DGKH: variants seen among roughly 807,000 people sequenced by gnomAD.
The protein encoded by DGKH is DAG kinase eta.
Under a neutral mutation model 159.3 loss-of-function variants are expected in DGKH, and 90 were observed. The ratio of observed to expected loss-of-function variants is 0.57; its 90% CI spans 0.48 to 0.67. The LOEUF (loss-of-function observed/expected upper bound fraction) is 0.67, where lower values mean the gene tolerates loss of function less well. Ranked by LOEUF, DGKH falls within the 30% of genes least tolerant of loss-of-function variation. The pLI, the probability that DGKH is intolerant of heterozygous loss-of-function variation, is 0.00. For missense variants in DGKH, 1,181 were observed against 1,506.1 expected (o/e 0.78, Z 3.57); for synonymous variants, 536 against 553.8 (o/e 0.97, Z 0.45).
chr13:42,048,880 A>G lies in DGKH; in HGVS notation c.107A>G (p.Glu36Gly). The change falls in exon 1 of 30, where the codon GAG (glutamate) becomes GGG (glycine). Residue 36 changes from glutamate (E) to glycine (G), a missense_variant. By Grantham distance (98) the Glu-to-Gly change is moderately conservative (BLOSUM62 -2). This residue lies in a region of DGKH where 136 missense variants were observed against 132.2 expected (regional missense o/e 1.03). Transcript: ENST00000337343. The surrounding 1 kb of genome is among the most constrained non-coding windows in gnomAD (Gnocchi z 6.7). ...TSAAASAGPG[E>G]DSSDSEAEQE... Reference sequence around the variant, plus strand: ...GCCGCTGCCTCGGCGGGGCCGGGAGAGGATTCGTCTGACAGCGAAGCGGAG... The same window carrying G: ...GCCGCTGCCTCGGCGGGGCCGGGAGGGGATTCGTCTGACAGCGAAGCGGAG... The G allele has an allele frequency of 7.3e-7, 1 of 1,372,848 alleles. No individual in the cohort carries two copies. The highest frequency in any genetic ancestry group is 9.5e-7 in the Non-Finnish European group (1 of 1,057,812). 85.0% of individuals were successfully genotyped at this position (1,372,848 alleles called of 1,614,324 possible).
chr13:42,243,289 A>G (rs537516426), downstream of DGKH, among the ~76,000 whole-genome samples: 1 of 152,314 alleles, frequency 6.6e-6, no homozygotes, highest in Non-Finnish European at 1.5e-5. Context: ...TTCACTTTAG[A>G]ATAATTCCCT....
At chr13:42,109,378 C>G (rs1466269077) in intron 1 of DGKH, among the ~76,000 whole-genome samples, 1 of 152,138 alleles carries the variant, frequency 6.6e-6, no homozygotes, top group African/African-American at 2.4e-5. Context: ...ACTAGTCAGC[C>G]GTGGAGCCAA....
In DGKH at chr13:42,067,264, C is replaced by A. The variant is rs147934391; in HGVS notation, c.192+18299C>A. Among the ~76,000 whole-genome samples, 463 of 152,172 alleles carry A rather than the reference C, an allele frequency of 3.0e-3. 3 individuals carry two copies. Among genetic ancestry groups the A allele is most frequent in the African/African-American group, 0.011 (445 of 41,534 alleles). ...GGGAAAAATAGTATTAATTTCTGTG[C>A]TTTTCAAGGAAAACCAATATTTGAG... is the stretch of plus-strand genomic sequence containing the variant. On this transcript the variant is annotated intron_variant, in intron 1 of 29. Transcript: ENST00000337343.
intron 1 of DGKH, among the ~76,000 whole-genome samples, chr13:42,115,563 A>G (rs1239865789): frequency 6.6e-6 from 1 of 152,160 alleles, no homozygotes; most frequent in African/African-American, 2.4e-5. Context: ...GCAGTGGAGG[A>G]CGATATTGAG....
chr13:42,235,229 C>G lies in DGKH; in HGVS notation c.*6041C>G, dbSNP rs1361909470. The stretch of plus-strand genomic sequence containing the variant: ...ATTCCCTCCATGTAACTAAGATACT[C>G]TATTTACATTATTTATATACTCTCT... On this transcript the variant is annotated 3_prime_UTR_variant, in exon 30 of 30. Transcript: ENST00000337343. 1 of 152,058 alleles carries G rather than the reference C, an allele frequency of 6.6e-6. No individual in the cohort carries two copies. Among genetic ancestry groups the G allele is most frequent in the African/African-American group, 2.4e-5 (1 of 41,404 alleles). 9.4% of individuals were successfully genotyped at this position (152,058 alleles called of 1,614,324 possible).
intron 1 of DGKH, among the ~76,000 whole-genome samples, chr13:42,110,744 G>T (rs1954848511): frequency 8.3e-6 from 1 of 121,016 alleles, no homozygotes; most frequent in South Asian, 2.3e-4. Flanking sequence ...CATTAGCATA[G>T]CACCACTGCC....
Position 42,166,511 on chromosome 13 carries a change from A to G in DGKH, c.959-4A>G. The G allele has an allele frequency of 6.7e-7, 1 of 1,499,746 alleles. No individual in the cohort carries two copies. The highest frequency in any genetic ancestry group is 8.9e-7 in the Non-Finnish European group (1 of 1,121,460). The allele number at this position is 1,499,746 out of a possible 1,614,324, so 92.9% of individuals were successfully genotyped here. On this transcript the variant is annotated splice_region_variant and splice_polypyrimidine_tract_variant and intron_variant, in intron 8 of 29. Coordinates refer to ENST00000337343, the MANE Select transcript of DGKH (RefSeq NM_178009.5). ...ATTGATCTTGTGTTGTGTTTTTTTCACAGGTTTCTGTAGAGCAACATTTTC... is the reference window on the plus strand; with the variant it reads ...ATTGATCTTGTGTTGTGTTTTTTTCGCAGGTTTCTGTAGAGCAACATTTTC...
chr13:42,225,478 CAT>C, intron 29 of DGKH: 1 of 796,974 alleles, frequency 1.3e-6, no homozygotes, highest in East Asian at 3.2e-5. Context: ...GAAAGCTACT[CAT>C]ATGATAAAAA....
intron 30 of DGKH, among the ~76,000 whole-genome samples, chr13:42,254,501 C>T (rs910521721): frequency 2.6e-5 from 4 of 151,888 alleles, no homozygotes; most frequent in East Asian, 1.9e-4. Flanking sequence ...GGCATGGTGG[C>T]GGGTGCCTAT....
intron 1 of DGKH, among the ~76,000 whole-genome samples, chr13:42,104,764 C>T (rs182554620): frequency 4.7e-4 from 71 of 152,248 alleles, no homozygotes; most frequent in African/African-American, 1.6e-3. Flanking sequence ...ATCTTTCTAT[C>T]TGGAGACCTG....
intron 1 of DGKH, among the ~76,000 whole-genome samples, chr13:42,051,691 C>T (rs180698982): frequency 0.015 from 1,481 of 100,186 alleles, 23 homozygotes; most frequent in African/African-American, 0.047. Flanking sequence ...TGGAGTTTCA[C>T]TCTTGTTGCC....
chr13:42,192,172 A>C (rs1436220513), intron 16 of DGKH, among the ~76,000 whole-genome samples: 1 of 152,138 alleles, frequency 6.6e-6, no homozygotes, highest in Non-Finnish European at 1.5e-5. Flanking sequence ...ATTTCATTGT[A>C]CTTGAGACTC....
intron 3 of DGKH, among the ~76,000 whole-genome samples, chr13:42,147,784 C>T (rs1453791243): frequency 6.6e-6 from 1 of 151,994 alleles, no homozygotes; most frequent in African/African-American, 2.4e-5. Flanking sequence ...TTCCCATGTG[C>T]GTTGTAATAG....
rs752789438 is a variant in DGKH at position 42,210,763 on chromosome 13, T to C, written c.3012T>C (p.Thr1004=). Residue 1004 remains threonine (T), a splice_region_variant and synonymous_variant, in exon 24 of 30, where the codon ACT becomes ACC. Coordinates refer to ENST00000337343, the MANE Select transcript of DGKH (RefSeq NM_178009.5). ...CCCAGGCTGCAGAGGAGCTCATTAC[T>C]AGGTAGGGGGCTCTGCTGACTTTTC... ...LCSQAAEELI[T]RICDAATIHC... 6.2e-7 allele frequency: 1 copy of C among 1,610,632 alleles called. No homozygotes were observed. The highest frequency in any genetic ancestry group is 8.5e-7 in the Non-Finnish European group (1 of 1,179,368).
chr13:42,171,230 A>G (rs1403981105), intron 11 of DGKH, among the ~76,000 whole-genome samples: 1 of 152,172 alleles, frequency 6.6e-6, no homozygotes, highest in Non-Finnish European at 1.5e-5. Flanking sequence ...TTTACTGGTG[A>G]AAAGGTTTAG....
rs182596606 is a variant in DGKH at position 42,086,069 on chromosome 13, C to T, written c.192+37104C>T. On this transcript the variant is annotated intron_variant, in intron 1 of 29. Coordinates refer to ENST00000337343, the MANE Select transcript of DGKH (RefSeq NM_178009.5). ...AGTAGATGGGATTACAGGCATGCAC[C>T]ACTACACCCACCTAATTTTTGTATT... Among the ~76,000 whole-genome samples, 14 of 152,142 alleles carry T rather than the reference C, an allele frequency of 9.2e-5. No homozygotes were observed. The East Asian group carries it at 2.5e-3, about 27-fold the overall frequency.
At position 42,079,951 on chromosome 13, in the gene DGKH, C is replaced by T. The variant is rs1433545629; in HGVS notation, c.192+30986C>T. ...TGTTTTTAATACACAAATAACTTGGCTAAATATGACACTCTTTGGTCCCAT... is the reference window on the plus strand; with the variant it reads ...TGTTTTTAATACACAAATAACTTGGTTAAATATGACACTCTTTGGTCCCAT... On this transcript the variant is annotated intron_variant, in intron 1 of 29. Coordinates refer to ENST00000337343, the MANE Select transcript of DGKH (RefSeq NM_178009.5). Among the ~76,000 whole-genome samples, 3 of 152,134 alleles carry T rather than the reference C, an allele frequency of 2.0e-5. No homozygotes were observed. The South Asian group carries it at 6.2e-4, about 32-fold the overall frequency.
At chr13:42,168,880 T>G (rs1956374004) in intron 11 of DGKH, 62 bp downstream of exon 11, 1 of 1,506,222 alleles carries the variant, frequency 6.6e-7, no homozygotes, top group Non-Finnish European at 8.9e-7. Flanking sequence ...ATTTTTTTGA[T>G]GATTTCTTAA....
intron 3 of DGKH, among the ~76,000 whole-genome samples, chr13:42,130,875 A>C (rs1431236363): frequency 6.6e-6 from 1 of 152,020 alleles, no homozygotes; most frequent in Non-Finnish European, 1.5e-5. Flanking sequence ...TCCTGGGAAA[A>C]TGTTAAAATT....
Sources: gnomAD v4.1 joint callset for allele counts (sites outside exome capture counted in the v4.1 genomes callset) on GRCh38, gnomAD v4.1.1 for gene constraint, gnomAD v4.1.1 regional missense constraint, Gnocchi (gnomAD v3.1) non-coding constraint, MANE v1.5 for transcripts, NCBI Gene and HGNC (gene_info 2026-07-23, HGNC 2026-07-21) for gene names.